The following ATAD2B variants were observed in gnomAD, a reference collection of about 807,000 sequenced individuals.
The protein encoded by ATAD2B is ATPase family AAA domain containing 2B.
Under a neutral mutation model 167.6 loss-of-function variants are expected in ATAD2B, and 40 were observed. The ratio of observed to expected loss-of-function variants is 0.24; its 90% confidence interval spans 0.19 to 0.31. The LOEUF (loss-of-function observed/expected upper bound fraction) is 0.31, where lower values mean the gene tolerates loss of function less well. Ranked by LOEUF, ATAD2B falls within the 10% of genes least tolerant of loss-of-function variation. ATAD2B has a pLI of 1.00. For missense variants in ATAD2B, 1,242 were observed against 1,757.2 expected (o/e 0.71, Z 5.24); for synonymous variants, 579 against 596.5 (o/e 0.97, Z 0.43).
chr2:23,863,701 A>C (rs781072452), intron 11 of ATAD2B, 146 bp from the exon 12 acceptor site: 4 of 775,640 alleles, frequency 5.2e-6, no homozygotes, highest in South Asian at 2.4e-5. Context: ...GGATATAGAC[A>C]AAAGTTTTAC....
In ATAD2B at chr2:23,808,170, GATATATATTTAT is replaced by G. The variant is rs1405907367; in HGVS notation, c.2454+2134_2454+2145del. On this transcript the variant is annotated intron_variant, in intron 18 of 27. Transcript: ENST00000238789. The stretch of plus-strand genomic sequence containing the variant: ...TATTATATGTTATTTATATATAAGT[GATATATATTTAT>G]ATATATATTTATATTTATATAAAAA... Among the ~76,000 whole-genome samples, 319 of 57,458 alleles carry G rather than the reference GATATATATTTAT, an allele frequency of 5.6e-3. 3 individuals carry two copies. Among genetic ancestry groups the G allele is most frequent in the Non-Finnish European group, 8.2e-3 (235 of 28,834 alleles). 37.7% of individuals were successfully genotyped at this position (57,458 alleles called of 152,430 possible).
chr2:23,679,380 A>G, the ATAD2B span, among the ~76,000 whole-genome samples: 1 of 152,208 alleles, frequency 6.6e-6, no homozygotes, highest in Non-Finnish European at 1.5e-5. Flanking sequence ...TCATGCTCCA[A>G]CAGGCTAGCC....
At chr2:23,806,166 C>T (rs1009875025) in intron 18 of ATAD2B, 2 of 152,168 alleles carry the variant, frequency 1.3e-5, no homozygotes, top group Non-Finnish European at 2.9e-5. Context: ...AATAAATATA[C>T]TGACCTTGTG....
At chr2:23,880,397 C>T (rs1450251741) in intron 7 of ATAD2B, among the ~76,000 whole-genome samples, 1 of 151,828 alleles carries the variant, frequency 6.6e-6, no homozygotes, top group African/African-American at 2.4e-5. Context: ...ACCATGTTAG[C>T]CAGGATGGTC....
chr2:23,884,378 TA>T (rs1262377358), intron 6 of ATAD2B, among the ~76,000 whole-genome samples: 1 of 151,914 alleles, frequency 6.6e-6, no homozygotes, highest in African/African-American at 2.4e-5. Flanking sequence ...AGACCATACC[TA>T]AATTTGAGAT....
In ATAD2B at chr2:23,885,784, T is replaced by C; in HGVS notation, c.618A>G (p.Arg206=). 6.3e-7 allele frequency: 1 copy of C among 1,597,754 alleles called. No homozygotes were observed. Among genetic ancestry groups the C allele is most frequent in the Non-Finnish European group, 8.5e-7 (1 of 1,170,924 alleles). ...CTACTTCTCCTGATCGACGATTCCGTCGGATGTTAATGTTGTCCATTTCCT... is the reference window on the plus strand; with the variant it reads ...CTACTTCTCCTGATCGACGATTCCGCCGGATGTTAATGTTGTCCATTTCCT... ...VLQEMDNINI[R]RNRRSGEVER... Residue 206 remains arginine, a synonymous_variant, in exon 5 of 28, where the codon CGA becomes CGG. Transcript: ENST00000238789.
intron 1 of ATAD2B, among the ~76,000 whole-genome samples, chr2:23,903,025 A>C (rs1701015399): frequency 1.3e-5 from 2 of 152,118 alleles, no homozygotes; most frequent in South Asian, 4.1e-4. Context: ...GTTTGAGCTC[A>C]GGAGTTCGAG....
At chr2:23,862,902 G>A (rs1694629204) in intron 12 of ATAD2B, among the ~76,000 whole-genome samples, 1 of 152,094 alleles carries the variant, frequency 6.6e-6, no homozygotes, top group Admixed American at 6.6e-5. Context: ...AATGTTTTAT[G>A]AGCCATCATA....
chr2:23,687,348 T>A, the ATAD2B span, among the ~76,000 whole-genome samples: 1 of 152,058 alleles, frequency 6.6e-6, no homozygotes, highest in African/African-American at 2.4e-5. Context: ...CTGGGACAGG[T>A]GATGTGTCCA....
chr2:23,777,790 T>C (rs1423320008), intron 22 of ATAD2B, among the ~76,000 whole-genome samples: 2 of 152,152 alleles, frequency 1.3e-5, no homozygotes, highest in African/African-American at 4.8e-5. Context: ...TATACTGTAG[T>C]AATTAGGGCC....
At chr2:23,770,085 G>A (rs1353566752) in intron 22 of ATAD2B, among the ~76,000 whole-genome samples, 11 of 151,588 alleles carry the variant, frequency 7.3e-5, no homozygotes, top group South Asian at 2.1e-4. Flanking sequence ...CGAGGCGGGC[G>A]GGTAACCTGA....
intron 1 of ATAD2B, among the ~76,000 whole-genome samples, chr2:23,905,186 CATT>C (rs1701328380): frequency 6.6e-6 from 1 of 152,110 alleles, no homozygotes; most frequent in Non-Finnish European, 1.5e-5. Context: ...GAAAATATTA[CATT>C]ATTTAAAATA....
chr2:23,888,929 G>A (rs1408290408), intron 2 of ATAD2B, among the ~76,000 whole-genome samples: 1 of 152,144 alleles, frequency 6.6e-6, no homozygotes, highest in Non-Finnish European at 1.5e-5. Context: ...GGTGGAAGAA[G>A]AGAAATGTAA....
chr2:23,690,111 C>T, the ATAD2B span: 3 of 152,294 alleles, frequency 2.0e-5, no homozygotes, highest in Non-Finnish European at 4.4e-5. Context: ...GATTGCACCT[C>T]CCCCTCTCCT....
At chr2:23,735,245 C>G in the ATAD2B span, among the ~76,000 whole-genome samples, 1 of 152,112 alleles carries the variant, frequency 6.6e-6, no homozygotes, top group African/African-American at 2.4e-5. Flanking sequence ...ACTTTTTGAC[C>G]TCTAACTCTT....
intron 18 of ATAD2B, among the ~76,000 whole-genome samples, chr2:23,804,956 AACATG>A (rs1684127509): frequency 6.6e-6 from 1 of 151,982 alleles, no homozygotes. Context: ...CAGCCTGGCC[AACATG>A]GTGAAACCCC....
At chr2:23,823,687 T>C in intron 15 of ATAD2B, 118 bp from the exon 16 acceptor site, 1 of 893,162 alleles carries the variant, frequency 1.1e-6, no homozygotes, top group Non-Finnish European at 1.6e-6. Context: ...TCAATAACTA[T>C]GTGCAATTTT....
At chr2:23,766,773 G>A (rs1177586867) in intron 22 of ATAD2B, among the ~76,000 whole-genome samples, 1 of 152,034 alleles carries the variant, frequency 6.6e-6, no homozygotes, top group Non-Finnish European at 1.5e-5. Flanking sequence ...AAAACACCCT[G>A]AAAAACAGCT....
intron 15 of ATAD2B, 121 bp downstream of exon 15, chr2:23,828,728 T>G: frequency 1.6e-6 from 1 of 614,766 alleles, no homozygotes. Context: ...AACATAAAGG[T>G]AGAGACAATC....
Sources: gnomAD v4.1 joint callset for allele counts (sites outside exome capture counted in the v4.1 genomes callset) on GRCh38, gnomAD v4.1.1 for gene constraint, MANE v1.5 for transcripts, NCBI Gene and HGNC (gene_info 2026-07-23, HGNC 2026-07-21) for gene names.